The following CLEC2D variants were observed in gnomAD, a reference collection of about 807,000 sequenced individuals.
CLEC2D encodes C-type lectin domain family 2 member D.
CLEC2D carries 16 observed loss-of-function variants against 20.0 expected under a neutral mutation model. That is an observed-to-expected ratio of 0.80 (90% CI 0.54 to 1.22). The LOEUF (loss-of-function observed/expected upper bound fraction) is 1.22. Ranked by LOEUF, CLEC2D falls within the 50% of genes most tolerant of loss-of-function variation. The pLI is 0.00. For missense variants in CLEC2D, 207 were observed against 221.5 expected, an observed-to-expected ratio of 0.93 and a Z score of 0.42; for synonymous variants, 77 against 71.1, an observed-to-expected ratio of 1.08 and a Z score of -0.42.
In CLEC2D at chr12:9,693,127, T is replaced by C. The variant is rs377414804; in HGVS notation, c.461+196T>C. 5 of 1,596,754 alleles carry C rather than the reference T, an allele frequency of 3.1e-6. No homozygotes were observed. In the African/African-American group the frequency reaches 5.4e-5, roughly 17 times the overall value. ...CAAGACCTGTCATGGTGAGGTAGAC[T>C]GACTGTGAACTTGGCTCCAGGCTTA... On this transcript the variant is annotated intron_variant, in intron 4 of 4. Coordinates refer to ENST00000290855, the MANE Select transcript of CLEC2D (RefSeq NM_013269.6).
chr12:9,681,971 C>G (rs9630265), intron 2 of CLEC2D, among the ~76,000 whole-genome samples: 133,888 of 152,234 alleles, frequency 0.88, 59,068 homozygotes, highest in East Asian at 0.97. Context: ...AATTTCTGTA[C>G]TCTGTAAGTA....
At position 9,696,418 on chromosome 12, in the gene CLEC2D, T is replaced by C; in HGVS notation, c.*1544T>C. 2.1e-6 allele frequency: 1 copy of C among 467,240 alleles called. No homozygotes were observed. Among genetic ancestry groups the C allele is most frequent in the Non-Finnish European group, 3.9e-6 (1 of 254,372 alleles). The allele number at this position is 467,240 out of a possible 1,614,324, so 28.9% of individuals were successfully genotyped here. A position where few individuals can be genotyped will look rare whatever the true frequency, so the allele number is the denominator to read the frequency against. On this transcript the variant is annotated 3_prime_UTR_variant, in exon 5 of 5. Transcript: ENST00000290855. ...CCTGTTTAGTTTTTAAAGATGGAAC[T>C]CCACCCTTTGCTTGGTTTTAAGTAT...
chr12:9,688,006 A>T lies in CLEC2D; in HGVS notation c.277A>T (p.Thr93Ser). 6.2e-7 allele frequency: 1 copy of T among 1,613,084 alleles called. No individual in the cohort carries two copies. Among genetic ancestry groups the T allele is most frequent in the Non-Finnish European group, 8.5e-7 (1 of 1,179,542 alleles). Residue 93 changes from threonine (T) to serine (S), a missense_variant, in exon 3 of 5, where the codon ACC becomes TCC. Transcript: ENST00000290855. ...AAAGTGTTTCTATTTTTCTGATGAC[A>T]CCAAGAACTGGACATCAAGTCAGAG... Reference protein sequence around the residue: ...QRKCFYFSDDTKNWTSSQRFC... With the variant: ...QRKCFYFSDDSKNWTSSQRFC...
Position 9,695,509 on chromosome 12 carries a change from T to A in CLEC2D, c.*635T>A. 1 of 1,258,302 alleles carries A rather than the reference T, an allele frequency of 7.9e-7. No homozygotes were observed. The highest frequency in any genetic ancestry group is 1.2e-5 in the South Asian group (1 of 84,376). 77.9% of individuals were successfully genotyped at this position (1,258,302 alleles called of 1,614,324 possible). A position where few individuals can be genotyped will look rare whatever the true frequency, so the allele number is the denominator to read the frequency against. ...ATAATGATGAAAATGAGACCAGTTA[T>A]CTTTAAGAACGGTCAGCTCAGGGGC... On this transcript the variant is annotated 3_prime_UTR_variant, in exon 5 of 5. Transcript: ENST00000290855.
In CLEC2D at chr12:9,683,331, GTTTGTTTTTTT is replaced by G. The variant is rs1565467298; in HGVS notation, c.172+2302_172+2312del. Among the ~76,000 whole-genome samples, 20 of 11,998 alleles carry G rather than the reference GTTTGTTTTTTT, an allele frequency of 1.7e-3. 1 individual carries two copies. Among genetic ancestry groups the G allele is most frequent in the East Asian group, 9.8e-3 (2 of 204 alleles). 7.9% of individuals were successfully genotyped at this position (11,998 alleles called of 152,430 possible). A position where few individuals can be genotyped will look rare whatever the true frequency, so the allele number is the denominator to read the frequency against. ...ACTCTGATGATAGTTTGTTTTTTGT[GTTTGTTTTTTT>G]TTTTTTTTTTTTGTGCAGAAGCTCT... On this transcript the variant is annotated intron_variant, in intron 2 of 4. Transcript: ENST00000290855.
rs1866063773 is a variant in CLEC2D at position 9,698,920 on chromosome 12, A to G, written c.*4046A>G. The G allele has an allele frequency of 6.6e-6, 1 of 152,182 alleles. No individual in the cohort carries two copies. The highest frequency in any genetic ancestry group is 1.5e-5 in the Non-Finnish European group (1 of 68,028). The allele number at this position is 152,182 out of a possible 1,614,324, so 9.4% of individuals were successfully genotyped here. A position where few individuals can be genotyped will look rare whatever the true frequency, so the allele number is the denominator to read the frequency against. ...AAGTTCCTTTATCTGCTTTAAGTTCAGACTCACCAAATAAGAAAACAGTTA... is the reference window on the plus strand; with the variant it reads ...AAGTTCCTTTATCTGCTTTAAGTTCGGACTCACCAAATAAGAAAACAGTTA... On this transcript the variant is annotated 3_prime_UTR_variant, in exon 5 of 5. Coordinates refer to ENST00000290855, the MANE Select transcript of CLEC2D (RefSeq NM_013269.6).
In CLEC2D at chr12:9,698,725, C is replaced by A. The variant is rs1178565562; in HGVS notation, c.*3851C>A. ...ATTAATGGAGTAAAGAGACAACTTACAGATTGGGAGAATATATTTCCAAAC... is the reference window on the plus strand; with the variant it reads ...ATTAATGGAGTAAAGAGACAACTTAAAGATTGGGAGAATATATTTCCAAAC... On this transcript the variant is annotated 3_prime_UTR_variant, in exon 5 of 5. Coordinates refer to ENST00000290855, the MANE Select transcript of CLEC2D (RefSeq NM_013269.6). 1.3e-5 allele frequency: 2 copies of A among 152,154 alleles called. No homozygotes were observed. The highest frequency in any genetic ancestry group is 1.3e-4 in the Admixed American group (2 of 15,272). 9.4% of individuals were successfully genotyped at this position (152,154 alleles called of 1,614,324 possible). A position where few individuals can be genotyped will look rare whatever the true frequency, so the allele number is the denominator to read the frequency against.
Position 9,696,442 on chromosome 12 carries a change from A to T in CLEC2D, c.*1568A>T, listed in dbSNP as rs1018365284. On this transcript the variant is annotated 3_prime_UTR_variant, in exon 5 of 5. Coordinates refer to ENST00000290855, the MANE Select transcript of CLEC2D (RefSeq NM_013269.6). ...CTCCACCCTTTGCTTGGTTTTAAGT[A>T]TGTATGGGATGCTATGATAGGACAT... 2 of 439,784 alleles carry T rather than the reference A, an allele frequency of 4.5e-6. No homozygotes were observed. Among genetic ancestry groups the T allele is most frequent in the African/African-American group, 4.0e-5 (2 of 50,428 alleles). The allele number at this position is 439,784 out of a possible 1,614,324, so 27.2% of individuals were successfully genotyped here. A position where few individuals can be genotyped will look rare whatever the true frequency, so the allele number is the denominator to read the frequency against.
In CLEC2D at chr12:9,697,423, T is replaced by C. The variant is rs1866022835; in HGVS notation, c.*2549T>C. ...ATACTTTTAGTTAATTTAATATCTATAGAAACAATGCTAATGACTGGCTTG... is the reference window on the plus strand; with the variant it reads ...ATACTTTTAGTTAATTTAATATCTACAGAAACAATGCTAATGACTGGCTTG... On this transcript the variant is annotated 3_prime_UTR_variant, in exon 5 of 5. Coordinates refer to ENST00000290855, the MANE Select transcript of CLEC2D (RefSeq NM_013269.6). 1 of 152,224 alleles carries C rather than the reference T, an allele frequency of 6.6e-6. No individual in the cohort carries two copies. Among genetic ancestry groups the C allele is most frequent in the East Asian group, 1.9e-4 (1 of 5,202 alleles). The allele number at this position is 152,224 out of a possible 1,614,324, so 9.4% of individuals were successfully genotyped here.
chr12:9,696,091 G>A lies in CLEC2D; in HGVS notation c.*1217G>A, dbSNP rs1412771740. ...ATCTAGTTCTGTAGAAGACATTAAA[G>A]CAAAAATGCAAGCAAGTATAGAAAA... On this transcript the variant is annotated 3_prime_UTR_variant, in exon 5 of 5. Transcript: ENST00000290855. 9.0e-7 allele frequency: 1 copy of A among 1,113,926 alleles called. No homozygotes were observed. The allele number at this position is 1,113,926 out of a possible 1,614,324, so 69.0% of individuals were successfully genotyped here. A position where few individuals can be genotyped will look rare whatever the true frequency, so the allele number is the denominator to read the frequency against.
chr12:9,697,052 T>TA lies in CLEC2D; in HGVS notation c.*2184dup, dbSNP rs60642344. On this transcript the variant is annotated 3_prime_UTR_variant, in exon 5 of 5. Transcript: ENST00000290855. The stretch of plus-strand genomic sequence containing the variant: ...ACATACATACATATATATATATATA[T>TA]AAAAAATAGAATATTATTCAGCCTT... 9.5e-6 allele frequency: 1 copy of TA among 105,658 alleles called. No individual in the cohort carries two copies. Among genetic ancestry groups the TA allele is most frequent in the East Asian group, 2.7e-4 (1 of 3,712 alleles). 6.5% of individuals were successfully genotyped at this position (105,658 alleles called of 1,614,324 possible).
chr12:9,669,865 C>T, intron 1 of CLEC2D, 70 bp downstream of exon 1: 2 of 1,245,366 alleles, frequency 1.6e-6, no homozygotes, highest in Non-Finnish European at 2.4e-6. Flanking sequence ...GATGGGCTCA[C>T]ACAGGAAAGG....
chr12:9,695,909 A>G lies in CLEC2D; in HGVS notation c.*1035A>G. On this transcript the variant is annotated 3_prime_UTR_variant, in exon 5 of 5. Transcript: ENST00000290855. Reference sequence around the variant, plus strand: ...GATGATGATGACGAGGAAGCTGAAGAAAAAGCGCCAGTGAAGAAATCTATA... The same window carrying G: ...GATGATGATGACGAGGAAGCTGAAGGAAAAGCGCCAGTGAAGAAATCTATA... 3.3e-6 allele frequency: 4 copies of G among 1,200,180 alleles called. No individual in the cohort carries two copies. The highest frequency in any genetic ancestry group is 3.4e-5 in the Admixed American group (2 of 59,326). 74.3% of individuals were successfully genotyped at this position (1,200,180 alleles called of 1,614,324 possible). A position where few individuals can be genotyped will look rare whatever the true frequency, so the allele number is the denominator to read the frequency against.
intron 3 of CLEC2D, among the ~76,000 whole-genome samples, chr12:9,691,409 A>G (rs1169469731): frequency 3.3e-5 from 5 of 152,158 alleles, no homozygotes; most frequent in Non-Finnish European, 5.9e-5. Flanking sequence ...CTATAAACCA[A>G]TTATCCCTAA....
chr12:9,674,606 C>A (rs1246247422), intron 1 of CLEC2D, among the ~76,000 whole-genome samples: 2 of 152,226 alleles, frequency 1.3e-5, no homozygotes, highest in African/African-American at 4.8e-5. Flanking sequence ...TAGCATTTCG[C>A]TTTCTTACCA....
intron 1 of CLEC2D, among the ~76,000 whole-genome samples, chr12:9,670,718 A>G (rs1203096954): frequency 6.6e-6 from 1 of 152,224 alleles, no homozygotes; most frequent in South Asian, 2.1e-4. Flanking sequence ...TATTGATACT[A>G]TTGTTTTAGC....
intron 1 of CLEC2D, among the ~76,000 whole-genome samples, chr12:9,677,798 C>A (rs1865555494): frequency 6.7e-6 from 1 of 149,104 alleles, no homozygotes; most frequent in African/African-American, 2.5e-5. Flanking sequence ...AATCTCATCT[C>A]ATTTCAACCA....
At chr12:9,678,012 T>C (rs922688152) in intron 1 of CLEC2D, among the ~76,000 whole-genome samples, 56 of 152,174 alleles carry the variant, frequency 3.7e-4, no homozygotes, top group African/African-American at 1.3e-3. Flanking sequence ...CATGAGCCAA[T>C]ATACCCTGCT....
intron 1 of CLEC2D, 23 bp downstream of exon 1, chr12:9,669,818 G>GTC (rs1865371261): frequency 6.3e-7 from 1 of 1,582,252 alleles, no homozygotes; most frequent in African/African-American, 1.4e-5. Context: ...GCTCTACAGA[G>GTC]TAAGTGTGAG....
Sources: gnomAD v4.1 joint callset for allele counts (sites outside exome capture counted in the v4.1 genomes callset) on GRCh38, gnomAD v4.1.1 for gene constraint, MANE v1.5 for transcripts, NCBI Gene and HGNC (gene_info 2026-07-23, HGNC 2026-07-21) for gene names.